SNX25: variants seen among roughly 807,000 people sequenced by gnomAD.
SNX25 encodes the protein sorting nexin 25, also known as sorting nexin-25.
SNX25 carries 62 observed loss-of-function variants against 113.7 expected under a neutral mutation model. The observed-to-expected ratio is 0.55, with a 90% CI of 0.44 to 0.67. SNX25 has a LOEUF of 0.67. SNX25 is among the 30% of genes least tolerant of loss of function. SNX25 has a pLI of 0.00. For synonymous variants in SNX25, 421 were observed against 436.2 expected (o/e 0.97, Z 0.43); for missense variants, 1,014 against 1,161.0 (o/e 0.87, Z 1.84).
chr4:185,311,193 A>G (rs2095027100), intron 7 of SNX25, among the ~76,000 whole-genome samples: 1 of 152,208 alleles, frequency 6.6e-6, no homozygotes, highest in Non-Finnish European at 1.5e-5. Context: ...AATTATTTTT[A>G]CTTAACTCTT....
At chr4:185,319,095 T>A (rs539966877) in intron 7 of SNX25, among the ~76,000 whole-genome samples, 67 of 123,712 alleles carry the variant, frequency 5.4e-4, no homozygotes, top group African/African-American at 9.9e-4. Flanking sequence ...TATTTTATTT[T>A]TTTTATTTTT....
rs1171250670 is a variant in SNX25, at chr4:185,363,505, A to T, written c.*40A>T. The T allele has an allele frequency of 5.1e-6, 8 of 1,570,890 alleles. No individual in the cohort carries two copies. In the Admixed American group the frequency reaches 1.3e-4, roughly 26 times the overall value. On this transcript the variant is annotated 3_prime_UTR_variant, in exon 19 of 19. Coordinates refer to ENST00000652585, the MANE Select transcript of SNX25 (RefSeq NM_001378034.2). This position sits in a 1 kb window ranked among gnomAD's most constrained non-coding sequence, Gnocchi z 4.2. ...ACCACCAGAAAAATGTCTGTGTAATAATAGACATGAAACATTTTCCTCTTT... is the reference window on the plus strand; with the variant it reads ...ACCACCAGAAAAATGTCTGTGTAATTATAGACATGAAACATTTTCCTCTTT...
In SNX25 at chr4:185,224,643, A is replaced by G. The variant is rs1740689505; in HGVS notation, c.429+14388A>G. Among the ~76,000 whole-genome samples, 4 of 147,046 alleles carry G rather than the reference A, an allele frequency of 2.7e-5. No homozygotes were observed. The South Asian group carries it at 8.4e-4, about 31-fold the overall frequency. On this transcript the variant is annotated intron_variant, in intron 1 of 18. Coordinates refer to ENST00000652585, the MANE Select transcript of SNX25 (RefSeq NM_001378034.2). ...TAAATTTATATAAGTATATATAGAT[A>G]TAAAAATATATATAAGTATATATAA...
intron 1 of SNX25, among the ~76,000 whole-genome samples, chr4:185,241,615 G>A (rs1316295620): frequency 6.8e-6 from 1 of 147,062 alleles, no homozygotes; most frequent in Non-Finnish European, 1.5e-5. Flanking sequence ...TTTTTTACAG[G>A]ATAGCGGTCT....
At chr4:185,341,592 T>G (rs747309620) in intron 11 of SNX25, among the ~76,000 whole-genome samples, 7 of 152,204 alleles carry the variant, frequency 4.6e-5, no homozygotes, top group Non-Finnish European at 8.8e-5. Context: ...TAAAGTCTTG[T>G]CTGAAGACTC....
At chr4:185,244,079 C>T (rs906157031) in intron 1 of SNX25, among the ~76,000 whole-genome samples, 1 of 152,160 alleles carries the variant, frequency 6.6e-6, no homozygotes, top group African/African-American at 2.4e-5. Flanking sequence ...GTCACCGCAG[C>T]CTGCATCTCC....
At chr4:185,250,112 C>T (rs1745433616) in intron 2 of SNX25, among the ~76,000 whole-genome samples, 1 of 152,140 alleles carries the variant, frequency 6.6e-6, no homozygotes, top group Non-Finnish European at 1.5e-5. Flanking sequence ...TAATTAATGG[C>T]TGATCACCTT....
At chr4:185,341,897 A>T (rs2095261617) in intron 11 of SNX25, 79 bp from the exon 12 acceptor site, 1 of 1,464,480 alleles carries the variant, frequency 6.8e-7, no homozygotes, top group Non-Finnish European at 9.2e-7. Context: ...AAATCTCCTT[A>T]GGGGGACACT....
At chr4:185,321,307 G>A (rs2126685506) in intron 8 of SNX25, among the ~76,000 whole-genome samples, 1 of 145,176 alleles carries the variant, frequency 6.9e-6, no homozygotes, top group African/African-American at 2.6e-5. Flanking sequence ...CTTTTACCCA[G>A]GCTGGAGTGC....
At chr4:185,329,491 A>C (rs772588341) in intron 9 of SNX25, among the ~76,000 whole-genome samples, 1 of 152,234 alleles carries the variant, frequency 6.6e-6, no homozygotes, top group African/African-American at 2.4e-5. Flanking sequence ...GGCATCCCCA[A>C]GATTTCTTCT....
intron 9 of SNX25, 49 bp from the exon 10 acceptor site, chr4:185,332,546 T>C (rs1465776091): frequency 6.7e-7 from 1 of 1,503,360 alleles, no homozygotes; most frequent in Non-Finnish European, 8.9e-7. Context: ...TAATAATTAC[T>C]GAATTTTCTA....
At chr4:185,264,335 C>G (rs1287007415) in intron 3 of SNX25, 103 bp from the exon 4 acceptor site, 10 of 1,130,414 alleles carry the variant, frequency 8.8e-6, no homozygotes, top group Non-Finnish European at 1.3e-5. Context: ...ATGGCAGTTA[C>G]TATAACCAAT....
chr4:185,336,868 G>C (rs1434654130), intron 10 of SNX25, among the ~76,000 whole-genome samples: 2 of 152,076 alleles, frequency 1.3e-5, no homozygotes, highest in African/African-American at 2.4e-5. Context: ...CAGGAGTAAG[G>C]TGGTATCGCA....
At chr4:185,311,531 C>T (rs1034305844) in intron 7 of SNX25, among the ~76,000 whole-genome samples, 6 of 152,206 alleles carry the variant, frequency 3.9e-5, no homozygotes, top group Non-Finnish European at 7.3e-5. Flanking sequence ...GAAGCAGCCA[C>T]GTGACCCACT....
chr4:185,249,608 T>C (rs1317862736), intron 2 of SNX25, among the ~76,000 whole-genome samples: 1 of 152,172 alleles, frequency 6.6e-6, no homozygotes, highest in East Asian at 1.9e-4. Context: ...TTTGATAAAG[T>C]CCAATTTACC....
intron 1 of SNX25, among the ~76,000 whole-genome samples, chr4:185,234,181 C>T (rs1742274590): frequency 6.6e-6 from 1 of 152,044 alleles, no homozygotes; most frequent in South Asian, 2.1e-4. Context: ...TATTAACCGA[C>T]CTCAAAATCT....
At chr4:185,371,540 TAA>T (rs11288148), downstream of SNX25, among the ~76,000 whole-genome samples, 1,198 of 78,304 alleles carry the variant, frequency 0.015, 7 homozygotes, top group Non-Finnish European at 0.019. Context: ...AGACTCCGTC[TAA>T]AAAAAAAAAA....
chr4:185,304,275 G>T (rs1490671804), intron 6 of SNX25, among the ~76,000 whole-genome samples: 1 of 152,178 alleles, frequency 6.6e-6, no homozygotes, highest in Non-Finnish European at 1.5e-5. Context: ...GCCTCGACCT[G>T]CTGGGCTCAA....
At position 185,362,587 on chromosome 4, in the gene SNX25, T is replaced by G. The variant is rs202150090; in HGVS notation, c.2834-24T>G. The G allele has an allele frequency of 6.2e-5, 99 of 1,605,860 alleles. 1 individual carries two copies. The East Asian group carries it at 1.8e-3, about 29-fold the overall frequency. Reference sequence around the variant, plus strand: ...ACTGAGCACTTTATCAATAGCAGCATAGAATCTACACTTAATTTTTCAGAT... The same window carrying G: ...ACTGAGCACTTTATCAATAGCAGCAGAGAATCTACACTTAATTTTTCAGAT... On this transcript the variant is annotated intron_variant, in intron 17 of 18. Transcript: ENST00000652585.
Sources: allele counts gnomAD v4.1 joint callset (sites outside exome capture counted in the v4.1 genomes callset), GRCh38; gene constraint gnomAD v4.1.1; non-coding constraint Gnocchi (gnomAD v3.1); transcripts MANE v1.5; gene names NCBI Gene and HGNC (gene_info 2026-07-23, HGNC 2026-07-21).